The following RIPOR2 variants were observed in gnomAD, a reference collection of about 807,000 sequenced individuals.
The protein encoded by RIPOR2 is RHO family interacting cell polarization regulator 2, also known as rho family-interacting cell polarization regulator 2.
A neutral mutation model predicts 114.5 loss-of-function variants in RIPOR2; 39 were observed. The ratio of observed to expected loss-of-function variants is 0.34; its 90% CI spans 0.26 to 0.44. RIPOR2 has a LOEUF of 0.44. Among genes scored for constraint, RIPOR2 ranks in the 20% least tolerant of loss-of-function variants. The pLI, the probability that RIPOR2 is intolerant of heterozygous loss-of-function variation, is 1.00. For synonymous variants in RIPOR2, 445 were observed against 484.4 expected (o/e 0.92, Z 1.07); for missense variants, 1,007 against 1,255.1 (o/e 0.80, Z 2.99).
chr6:25,028,979 G>A (rs1235249351), intron 1 of RIPOR2, among the ~76,000 whole-genome samples: 3 of 152,140 alleles, frequency 2.0e-5, no homozygotes, highest in African/African-American at 7.2e-5. Flanking sequence ...AGAGTGCTGG[G>A]AGAGGGTGCC....
chr6:24,878,753 T>C (rs1766061355), intron 1 of RIPOR2, among the ~76,000 whole-genome samples: 1 of 152,062 alleles, frequency 6.6e-6, no homozygotes, highest in African/African-American at 2.4e-5. Flanking sequence ...GAGTTTTGAT[T>C]GAACAATCAG....
Position 24,806,135 on chromosome 6 carries a change from A to C in RIPOR2, c.*238T>G. 2.0e-6 allele frequency: 1 copy of C among 490,406 alleles called. No homozygotes were observed. Among genetic ancestry groups the C allele is most frequent in the African/African-American group, 2.0e-5 (1 of 49,468 alleles). 30.4% of individuals were successfully genotyped at this position (490,406 alleles called of 1,614,324 possible). A position where few individuals can be genotyped will look rare whatever the true frequency, so the allele number is the denominator to read the frequency against. On this transcript the variant is annotated 3_prime_UTR_variant, in exon 22 of 22. Transcript: ENST00000643898. ...TGACTAATTAAACTATTTTTTTTGTAGAGACAGGGCCTTGCTATGTTGCCC... is the reference window on the plus strand; with the variant it reads ...TGACTAATTAAACTATTTTTTTTGTCGAGACAGGGCCTTGCTATGTTGCCC...
intron 8 of RIPOR2, among the ~76,000 whole-genome samples, chr6:24,853,393 C>T (rs1239312100): frequency 1.3e-5 from 2 of 152,168 alleles, no homozygotes; most frequent in Non-Finnish European, 2.9e-5. Flanking sequence ...CTGGGTTTGT[C>T]CAGTCTTTTT....
intron 1 of RIPOR2, among the ~76,000 whole-genome samples, chr6:25,034,729 T>C (rs1777159364): frequency 1.3e-5 from 2 of 152,216 alleles, no homozygotes; most frequent in African/African-American, 4.8e-5. Flanking sequence ...TATTTGCTGC[T>C]TCTTCCTCTC....
rs1268384163 is a variant in RIPOR2, at chr6:24,828,201, G to A, written c.2601C>T (p.Tyr867=). 1.3e-6 allele frequency: 2 copies of A among 1,551,336 alleles called. No homozygotes were observed. Among genetic ancestry groups the A allele is most frequent in the Non-Finnish European group, 1.7e-6 (2 of 1,146,744 alleles). ...TGACGCCGTGGCTGGTGAAGTAACTGTAATACTGGAAAACAGTGACGACTT... is the reference window on the plus strand; with the variant it reads ...TGACGCCGTGGCTGGTGAAGTAACTATAATACTGGAAAACAGTGACGACTT... The part of the protein sequence containing the change: ...SSEVVTVFQY[Y]SYFTSHGVSD... Residue 867 remains tyrosine (Y), a synonymous_variant, in exon 18 of 22, where the codon TAC becomes TAT. Transcript: ENST00000643898.
In RIPOR2 at chr6:24,850,693, C is replaced by G; in HGVS notation, c.789G>C (p.Trp263Cys). Residue 263 changes from tryptophan (W) to cysteine (C), a missense_variant, in exon 10 of 22, where the codon TGG (tryptophan) becomes TGC (cysteine). Trp to Cys is a radical substitution (Grantham distance 215). Coordinates refer to ENST00000643898, the MANE Select transcript of RIPOR2 (RefSeq NM_001286445.3). ...TTACTTCTATTTTGCCTTTCAGTTTCCACCGCTGCCGGCCATACTTCATGA... is the reference window on the plus strand; with the variant it reads ...TTACTTCTATTTTGCCTTTCAGTTTGCACCGCTGCCGGCCATACTTCATGA... Reference protein sequence around the residue: ...EIFMKYGRQRWKLKGKIEVNG... With the variant: ...EIFMKYGRQRCKLKGKIEVNG... 6.2e-7 allele frequency: 1 copy of G among 1,613,912 alleles called. No homozygotes were observed. Among genetic ancestry groups the G allele is most frequent in the Non-Finnish European group, 8.5e-7 (1 of 1,179,888 alleles).
chr6:24,959,647 C>T (rs532522011), intron 1 of RIPOR2, among the ~76,000 whole-genome samples: 1 of 152,176 alleles, frequency 6.6e-6, no homozygotes, highest in South Asian at 2.1e-4. Context: ...CTCATCACTC[C>T]CTCATTCATC....
At chr6:25,007,793 G>A (rs1372427355) in intron 1 of RIPOR2, among the ~76,000 whole-genome samples, 2 of 151,738 alleles carry the variant, frequency 1.3e-5, no homozygotes, top group African/African-American at 4.8e-5. Context: ...CGGCCCCAGA[G>A]CTGTTCTTCC....
intron 1 of RIPOR2, among the ~76,000 whole-genome samples, chr6:25,028,856 A>G (rs567579741): frequency 8.8e-4 from 134 of 152,338 alleles, no homozygotes; most frequent in African/African-American, 2.8e-3. Flanking sequence ...GTGGGAAAGT[A>G]TGGGGAATAG....
intron 1 of RIPOR2, among the ~76,000 whole-genome samples, chr6:24,918,320 T>C (rs1166848730): frequency 6.6e-6 from 1 of 152,272 alleles, no homozygotes; most frequent in African/African-American, 2.4e-5. Context: ...TTACCTATTA[T>C]TGAAAAATTT....
At chr6:24,820,353 A>T (rs1195149238) in intron 19 of RIPOR2, among the ~76,000 whole-genome samples, 2 of 152,216 alleles carry the variant, frequency 1.3e-5, no homozygotes, top group Non-Finnish European at 2.9e-5. Flanking sequence ...GTTTTATAGG[A>T]CAATTCCATT....
At chr6:24,854,124 G>GAA (rs56203816) in intron 8 of RIPOR2, among the ~76,000 whole-genome samples, 9 of 86,450 alleles carry the variant, frequency 1.0e-4, no homozygotes, top group South Asian at 4.0e-4. Context: ...GTCTGAAAAA[G>GAA]AAAAAAAAAA....
intron 1 of RIPOR2, among the ~76,000 whole-genome samples, chr6:25,022,126 G>C (rs1216704196): frequency 1.3e-5 from 2 of 152,138 alleles, no homozygotes; most frequent in Non-Finnish European, 2.9e-5. Context: ...TTAGTGCATA[G>C]TTCTACCAGT....
chr6:24,950,376 T>A (rs1022828024), intron 1 of RIPOR2, among the ~76,000 whole-genome samples: 1 of 152,202 alleles, frequency 6.6e-6, no homozygotes, highest in African/African-American at 2.4e-5. Context: ...TCAACCATCC[T>A]TTATTCACCC....
At chr6:24,881,853 G>A (rs1236334363) in intron 1 of RIPOR2, among the ~76,000 whole-genome samples, 1 of 152,082 alleles carries the variant, frequency 6.6e-6, no homozygotes, top group African/African-American at 2.4e-5. Context: ...AGATAGAAGG[G>A]GGCTGAAGCA....
chr6:24,993,375 T>C (rs1269624403), intron 1 of RIPOR2, among the ~76,000 whole-genome samples: 1 of 152,246 alleles, frequency 6.6e-6, no homozygotes. Context: ...GTTTGAAATA[T>C]GTTTTGTCTG....
chr6:24,947,309 T>A (rs1472275809), intron 1 of RIPOR2, among the ~76,000 whole-genome samples: 1 of 152,120 alleles, frequency 6.6e-6, no homozygotes, highest in Admixed American at 6.5e-5. Flanking sequence ...CTCTGCTCTG[T>A]CAGGCATCCA....
At chr6:24,996,781 CTTCTATTATAGCACTTACTGTA>C (rs1298167026) in intron 1 of RIPOR2, among the ~76,000 whole-genome samples, 5 of 152,192 alleles carry the variant, frequency 3.3e-5, no homozygotes, top group Non-Finnish European at 7.4e-5. Flanking sequence ...TTTATACAGG[CTTCTATTATAGCACTTACTGTA>C]TTGTTCATAG....
chr6:24,919,843 T>C (rs1365162979), intron 1 of RIPOR2, among the ~76,000 whole-genome samples: 1 of 152,214 alleles, frequency 6.6e-6, no homozygotes, highest in Admixed American at 6.5e-5. Flanking sequence ...CGTTTGAGCC[T>C]CTTCACCACT....
Sources: gnomAD v4.1 joint callset for allele counts (sites outside exome capture counted in the v4.1 genomes callset) on GRCh38, gnomAD v4.1.1 for gene constraint, MANE v1.5 for transcripts, NCBI Gene and HGNC (gene_info 2026-07-23, HGNC 2026-07-21) for gene names.